NAMPT: variants seen among roughly 807,000 people sequenced by gnomAD.
The protein encoded by NAMPT is nicotinamide phosphoribosyltransferase.
A neutral mutation model predicts 58.7 loss-of-function variants in NAMPT; 7 were observed. That is an observed-to-expected ratio of 0.12 (90% CI 0.07 to 0.22). NAMPT has a LOEUF of 0.22. Among genes scored for constraint, NAMPT ranks in the 10% least tolerant of loss-of-function variants. The pLI, the probability that NAMPT is intolerant of heterozygous loss-of-function variation, is 1.00. For synonymous variants in NAMPT, 145 were observed against 198.1 expected (o/e 0.73, Z 2.25); for missense variants, 271 against 567.9 (o/e 0.48, Z 5.31).
At chr7:106,282,570 T>C (rs1245162383) in intron 1 of NAMPT, among the ~76,000 whole-genome samples, 3 of 152,322 alleles carry the variant, frequency 2.0e-5, no homozygotes, top group Middle Eastern at 3.4e-3. Context: ...CCTTACTATA[T>C]ACAATAAAGT....
chr7:106,254,958 G>C (rs754216310), intron 8 of NAMPT, among the ~76,000 whole-genome samples: 122 of 152,158 alleles, frequency 8.0e-4, no homozygotes, highest in Non-Finnish European at 1.6e-3. Context: ...CATGTCATAT[G>C]TAATGGAACA....
chr7:106,272,258 G>A, intron 4 of NAMPT: 1 of 281,162 alleles, frequency 3.6e-6, no homozygotes. Context: ...CACTTAAAAT[G>A]GCAATGAATT....
At chr7:106,268,709 T>C (rs988559182) in intron 5 of NAMPT, 109 bp from the exon 6 acceptor site, 59 of 762,448 alleles carry the variant, frequency 7.7e-5, no homozygotes, top group Non-Finnish European at 1.1e-4. Flanking sequence ...CCCATAAGAA[T>C]TGTCTTTCTC....
intron 6 of NAMPT, 141 bp from the exon 7 acceptor site, chr7:106,263,758 C>T (rs1792358510): frequency 2.9e-6 from 2 of 688,598 alleles, no homozygotes; most frequent in Non-Finnish European, 5.0e-6. Flanking sequence ...AATGAATATA[C>T]ATCGTAAGGC....
intron 8 of NAMPT, among the ~76,000 whole-genome samples, chr7:106,258,935 T>C (rs193223675): frequency 1.3e-5 from 2 of 152,336 alleles, no homozygotes; most frequent in East Asian, 1.9e-4. Flanking sequence ...AAGATTTATC[T>C]GTAGCTTGCG....
At chr7:106,262,020 A>G in intron 7 of NAMPT, among the ~76,000 whole-genome samples, 1 of 150,642 alleles carries the variant, frequency 6.6e-6, no homozygotes, top group African/African-American at 2.5e-5. Flanking sequence ...ATATTAAATA[A>G]GTATATTTTA....
At chr7:106,282,077 A>G (rs1319313) in intron 1 of NAMPT, among the ~76,000 whole-genome samples, 112,989 of 151,952 alleles carry the variant, frequency 0.74, 42,366 homozygotes, top group East Asian at 1. Flanking sequence ...TCTCTGGGGT[A>G]CAAGCTGCAA....
At chr7:106,273,225 T>C (rs1378096595) in intron 3 of NAMPT, among the ~76,000 whole-genome samples, 1 of 152,222 alleles carries the variant, frequency 6.6e-6, no homozygotes, top group Non-Finnish European at 1.5e-5. Flanking sequence ...ACACAGAATC[T>C]TGGCAATTAA....
rs571167560 is a variant in NAMPT, at chr7:106,275,431, A to G, written c.215-382T>C. 4.1e-4 allele frequency: 63 copies of G among 154,474 alleles called. No homozygotes were observed. The South Asian group carries it at 5.4e-3, about 13-fold the overall frequency. The allele number at this position is 154,474 out of a possible 1,614,324, so 9.6% of individuals were successfully genotyped here. A position where few individuals can be genotyped will look rare whatever the true frequency, so the allele number is the denominator to read the frequency against. ...CGTTCGTAAAGAATGTGGCATCTTT[A>G]GGGTTGGTAAGTCAGTAATTTCCAC... On this transcript the variant is annotated intron_variant, in intron 2 of 10. Coordinates refer to ENST00000222553, the MANE Select transcript of NAMPT (RefSeq NM_005746.3).
chr7:106,249,659 C>T lies in NAMPT; in HGVS notation c.*1424G>A, dbSNP rs1000342518. On this transcript the variant is annotated 3_prime_UTR_variant, in exon 11 of 11. Coordinates refer to ENST00000222553, the MANE Select transcript of NAMPT (RefSeq NM_005746.3). ...TAAACATTTTGGGCTTTGCGATTCT[C>T]ATTTGGCTTCTATTGCAGCTGTTTA... 6.6e-6 allele frequency: 1 copy of T among 152,012 alleles called. No individual in the cohort carries two copies. Among genetic ancestry groups the T allele is most frequent in the Non-Finnish European group, 1.5e-5 (1 of 67,958 alleles). 9.4% of individuals were successfully genotyped at this position (152,012 alleles called of 1,614,324 possible).
chr7:106,285,557 G>A (rs188254045), upstream of NAMPT: 30 of 985,932 alleles, frequency 3.0e-5, no homozygotes, highest in Admixed American at 5.5e-4. Context: ...CTCCGGCCTG[G>A]ATTAAGGATC....
chr7:106,278,464 G>A (rs1280207282), intron 1 of NAMPT, among the ~76,000 whole-genome samples: 2 of 152,072 alleles, frequency 1.3e-5, no homozygotes, highest in Non-Finnish European at 2.9e-5. Flanking sequence ...TATACTAAAA[G>A]GTACAGGGAA....
chr7:106,272,837 A>C (rs1562817586), intron 3 of NAMPT, among the ~76,000 whole-genome samples, 179 bp from the exon 4 acceptor site: 1 of 152,228 alleles, frequency 6.6e-6, no homozygotes, highest in Non-Finnish European at 1.5e-5. Context: ...AACTAGTTAA[A>C]ATTATTAACA....
Position 106,261,710 on chromosome 7 carries a change from A to G in NAMPT, c.970-3T>C. The G allele has an allele frequency of 1.9e-6, 3 of 1,603,938 alleles. No homozygotes were observed. The highest frequency in any genetic ancestry group is 2.2e-5 in the South Asian group (2 of 90,914). ...TTCTTACCTAAAATCTCCAAAACCTATATGGAAAAATACACATGCAACACA... is the reference window on the plus strand; with the variant it reads ...TTCTTACCTAAAATCTCCAAAACCTGTATGGAAAAATACACATGCAACACA... On this transcript the variant is annotated splice_region_variant and splice_polypyrimidine_tract_variant and intron_variant, in intron 7 of 10. Coordinates refer to ENST00000222553, the MANE Select transcript of NAMPT (RefSeq NM_005746.3).
chr7:106,281,610 TA>T (rs1792766168), intron 1 of NAMPT, among the ~76,000 whole-genome samples: 1 of 152,206 alleles, frequency 6.6e-6, no homozygotes, highest in African/African-American at 2.4e-5. Flanking sequence ...GCTAATGTGC[TA>T]GAAACAGCAA....
chr7:106,272,841 A>G (rs1375889828), intron 3 of NAMPT, among the ~76,000 whole-genome samples, 183 bp from the exon 4 acceptor site: 1 of 152,234 alleles, frequency 6.6e-6, no homozygotes, highest in Non-Finnish European at 1.5e-5. Flanking sequence ...AGTTAAAATT[A>G]TTAACATACG....
chr7:106,263,357 G>A (rs2115758482), intron 7 of NAMPT, 35 bp downstream of exon 7: 1 of 1,453,254 alleles, frequency 6.9e-7, no homozygotes, highest in Non-Finnish European at 9.7e-7. Context: ...GCCTACAGAG[G>A]GATTCTAATA....
intron 4 of NAMPT, among the ~76,000 whole-genome samples, chr7:106,270,992 T>C (rs147505000): frequency 1.3e-5 from 2 of 152,224 alleles, no homozygotes; most frequent in Non-Finnish European, 2.9e-5. Flanking sequence ...GAAATTACTC[T>C]TTCAATTCCA....
At chr7:106,276,766 C>A (rs572979142) in intron 2 of NAMPT, 5 of 330,574 alleles carry the variant, frequency 1.5e-5, no homozygotes, top group Non-Finnish European at 2.9e-5. Context: ...TGCCTGAAAC[C>A]AGGAGGCGGA....
Sources: gnomAD v4.1 joint callset for allele counts (sites outside exome capture counted in the v4.1 genomes callset) on GRCh38, gnomAD v4.1.1 for gene constraint, MANE v1.5 for transcripts, NCBI Gene and HGNC (gene_info 2026-07-23, HGNC 2026-07-21) for gene names.